Variants in CADM2 observed in about 807,000 individuals in gnomAD.
CADM2 encodes immunoglobulin superfamily member 4D.
Under a neutral mutation model 49.8 loss-of-function variants are expected in CADM2, and 12 were observed. The observed-to-expected ratio is 0.24, with a 90% CI of 0.15 to 0.39. The LOEUF (loss-of-function observed/expected upper bound fraction) is 0.39, where lower values mean the gene tolerates loss of function less well. CADM2 is among the 10% of genes least tolerant of loss of function. The pLI is 1.00. For synonymous variants in CADM2, 214 were observed against 175.4 expected (o/e 1.22, Z -1.74); for missense variants, 378 against 492.3 (o/e 0.77, Z 2.20).
In CADM2 at chr3:85,066,382, A is replaced by T. The variant is rs77245522; in HGVS notation, c.61+106714A>T. The stretch of plus-strand genomic sequence containing the variant: ...GGGTAAAATGCTGGAATCAGCATTT[A>T]AAAAAAAAAAAATCCCCAAAGTGCT... On this transcript the variant is annotated intron_variant, in intron 1 of 9. Transcript: ENST00000383699. 3.9e-3 allele frequency among the ~76,000 whole-genome samples: 321 copies of T among 82,594 alleles called. 1 individual carries two copies. Among genetic ancestry groups the T allele is most frequent in the Non-Finnish European group, 4.8e-3 (242 of 50,288 alleles). The allele number at this position is 82,594 out of a possible 152,430, so 54.2% of individuals were successfully genotyped here.
intron 3 of CADM2, among the ~76,000 whole-genome samples, chr3:85,853,290 G>A (rs2075175877): frequency 6.6e-6 from 1 of 151,100 alleles, no homozygotes. Context: ...AGGGGTGGGG[G>A]GAAGCAACAA....
At chr3:85,371,677 G>GTGTATATATATATA (rs1251505613) in intron 1 of CADM2, among the ~76,000 whole-genome samples, 2 of 95,134 alleles carry the variant, frequency 2.1e-5, no homozygotes, top group East Asian at 3.1e-4. Context: ...GTGTGTGTGT[G>GTGTATATATATATA]TATATATATA....
At chr3:85,232,742 C>T (rs2042323128) in intron 1 of CADM2, among the ~76,000 whole-genome samples, 1 of 152,094 alleles carries the variant, frequency 6.6e-6, no homozygotes, top group Non-Finnish European at 1.5e-5. Context: ...CTCAGAATGG[C>T]TAAAGGCTAA....
intron 1 of CADM2, among the ~76,000 whole-genome samples, chr3:85,627,221 G>T (rs889742096): frequency 1.3e-5 from 2 of 151,836 alleles, no homozygotes; most frequent in Non-Finnish European, 2.9e-5. Context: ...TACAATTCAG[G>T]AACAGTGAAG....
intron 8 of CADM2, among the ~76,000 whole-genome samples, chr3:86,002,223 GCTGT>G (rs1730274286): frequency 6.6e-6 from 1 of 152,106 alleles, no homozygotes; most frequent in African/African-American, 2.4e-5. Flanking sequence ...TGCCTGGTGA[GCTGT>G]CTATACCCTT....
chr3:85,407,771 C>T (rs2035458196), intron 1 of CADM2, among the ~76,000 whole-genome samples: 1 of 151,918 alleles, frequency 6.6e-6, no homozygotes, highest in Non-Finnish European at 1.5e-5. Context: ...TTGCTTGAGG[C>T]CAGGAGTTCT....
At chr3:84,991,540 G>T (rs936381174) in intron 1 of CADM2, among the ~76,000 whole-genome samples, 4 of 152,102 alleles carry the variant, frequency 2.6e-5, no homozygotes, top group Admixed American at 1.3e-4. Context: ...TGTTAGAATG[G>T]CCAAAATCCA....
chr3:85,995,514 A>C (rs992308194), intron 8 of CADM2, among the ~76,000 whole-genome samples: 13 of 152,322 alleles, frequency 8.5e-5, no homozygotes, highest in African/African-American at 3.1e-4. Context: ...ATAGTACAAC[A>C]GAATGAAAGA....
At chr3:86,019,421 A>G (rs1429712966) in intron 8 of CADM2, among the ~76,000 whole-genome samples, 231 of 150,960 alleles carry the variant, frequency 1.5e-3, no homozygotes, top group African/African-American at 5.3e-3. Flanking sequence ...GAAGAAAGGC[A>G]TTGGTAGCTT....
At chr3:85,754,875 G>A (rs550524421) in intron 2 of CADM2, among the ~76,000 whole-genome samples, 23 of 151,896 alleles carry the variant, frequency 1.5e-4, no homozygotes, top group African/African-American at 2.2e-4. Context: ...TAAAAGCAGC[G>A]TGCAACTCAA....
intron 1 of CADM2, among the ~76,000 whole-genome samples, chr3:85,640,959 A>G (rs1256500625): frequency 6.6e-6 from 1 of 152,156 alleles, no homozygotes; most frequent in African/African-American, 2.4e-5. Flanking sequence ...ATACCTTATT[A>G]TGCTCACATT....
At chr3:85,401,655 A>G (rs73136775) in intron 1 of CADM2, among the ~76,000 whole-genome samples, 7,396 of 152,212 alleles carry the variant, frequency 0.049, 274 homozygotes, top group Non-Finnish European at 0.076. Flanking sequence ...ATTTCTTCCT[A>G]TTGAAATCTG....
In CADM2 at chr3:85,973,032, A is replaced by G. The variant is rs551623344; in HGVS notation, c.970+11385A>G. Among the ~76,000 whole-genome samples, 10 of 151,856 alleles carry G rather than the reference A, an allele frequency of 6.6e-5. No homozygotes were observed. In the East Asian group the frequency reaches 2.0e-3, roughly 30 times the overall value. On this transcript the variant is annotated intron_variant, in intron 8 of 9. Coordinates refer to ENST00000383699, the MANE Select transcript of CADM2 (RefSeq NM_001167675.2). ...ATTTTAATTTTTTTAATACTCCTTTAGACTGGAAGACTCTTAACAGGAATT... is the reference window on the plus strand; with the variant it reads ...ATTTTAATTTTTTTAATACTCCTTTGGACTGGAAGACTCTTAACAGGAATT...
At chr3:85,471,839 C>G (rs1298076688) in intron 1 of CADM2, among the ~76,000 whole-genome samples, 2 of 151,396 alleles carry the variant, frequency 1.3e-5, no homozygotes. Flanking sequence ...CTTATAATAT[C>G]TATATTTTAA....
chr3:85,160,346 C>A (rs2040281268), intron 1 of CADM2, among the ~76,000 whole-genome samples: 1 of 151,976 alleles, frequency 6.6e-6, no homozygotes, highest in African/African-American at 2.4e-5. Flanking sequence ...CATTATGGTA[C>A]ATATAAAGTA....
chr3:85,428,883 G>A (rs762065296), intron 1 of CADM2, among the ~76,000 whole-genome samples: 2 of 151,360 alleles, frequency 1.3e-5, no homozygotes, highest in Non-Finnish European at 2.9e-5. Flanking sequence ...GAGTCACTAC[G>A]GAAACTTAAT....
chr3:85,728,007 T>A (rs772089814), intron 2 of CADM2, among the ~76,000 whole-genome samples: 1 of 152,134 alleles, frequency 6.6e-6, no homozygotes, highest in Non-Finnish European at 1.5e-5. Context: ...AATGGAGTGA[T>A]TATGAGTCAT....
chr3:85,048,866 A>G (rs973614437), intron 1 of CADM2, among the ~76,000 whole-genome samples: 61 of 152,212 alleles, frequency 4.0e-4, no homozygotes, highest in African/African-American at 1.4e-3. Context: ...TACAGAATGC[A>G]CAATGATAGC....
intron 1 of CADM2, among the ~76,000 whole-genome samples, chr3:85,059,044 C>A (rs999954241): frequency 1.3e-5 from 2 of 151,782 alleles, no homozygotes; most frequent in African/African-American, 4.8e-5. Context: ...TTGACACCAT[C>A]CTGCCTAACC....
Sources: gnomAD v4.1 joint callset for allele counts (sites outside exome capture counted in the v4.1 genomes callset) on GRCh38, gnomAD v4.1.1 for gene constraint, MANE v1.5 for transcripts, NCBI Gene and HGNC (gene_info 2026-07-23, HGNC 2026-07-21) for gene names.